Variants in PCDHGA1 observed in about 807,000 individuals in gnomAD.
PCDHGA1 encodes protocadherin gamma-A1.
A neutral mutation model predicts 58.0 loss-of-function variants in PCDHGA1; 32 were observed. The observed-to-expected ratio is 0.55, with a 90% CI of 0.42 to 0.74. The LOEUF (loss-of-function observed/expected upper bound fraction) is 0.74. Ranked by LOEUF, PCDHGA1 falls within the 30% of genes least tolerant of loss-of-function variation. PCDHGA1 has a pLI of 0.00. For missense variants in PCDHGA1, 1,205 were observed against 1,182.3 expected (o/e 1.02, Z -0.28); for synonymous variants, 498 against 501.1 (o/e 0.99, Z 0.08).
At chr5:141,372,237 G>A in intron 1 of PCDHGA1, 2 of 1,613,294 alleles carry the variant, frequency 1.2e-6, no homozygotes, top group Non-Finnish European at 1.7e-6. Flanking sequence ...CAGCGAGCCC[G>A]GGCTGTTCAG....
intron 1 of PCDHGA1, chr5:141,390,466 G>A: frequency 1.4e-6 from 1 of 712,034 alleles, no homozygotes; most frequent in East Asian, 2.7e-5. Context: ...AGGAGCAATT[G>A]TGTGGCCCAA....
intron 1 of PCDHGA1, chr5:141,417,501 A>T: frequency 4.4e-6 from 1 of 227,168 alleles, no homozygotes. Flanking sequence ...GAGGAAAAAG[A>T]TTAAAATATT....
chr5:141,359,759 A>G (rs1005713347), intron 1 of PCDHGA1, among the ~76,000 whole-genome samples: 1 of 152,234 alleles, frequency 6.6e-6, no homozygotes, highest in African/African-American at 2.4e-5. Flanking sequence ...CATCTAAAGC[A>G]GAGATGAAAG....
Position 141,374,537 on chromosome 5 carries a change from T to G in PCDHGA1, c.2421+41432T>G, listed in dbSNP as rs1430968090. Reference sequence around the variant, plus strand: ...CGAAAACGCAGCTCCATCCTCTCGTTTTCCACTAATGGAGGTCTATGACCC... The same window carrying G: ...CGAAAACGCAGCTCCATCCTCTCGTGTTCCACTAATGGAGGTCTATGACCC... On this transcript the variant is annotated intron_variant, in intron 1 of 3. Coordinates refer to ENST00000517417, the MANE Select transcript of PCDHGA1 (RefSeq NM_018912.3). 4 of 1,613,198 alleles carry G rather than the reference T, an allele frequency of 2.5e-6. No individual in the cohort carries two copies. In the Admixed American group the frequency reaches 5.0e-5, roughly 20 times the overall value.
At chr5:141,422,806 C>T (rs868426196) in intron 1 of PCDHGA1, 2 of 1,614,208 alleles carry the variant, frequency 1.2e-6, no homozygotes, top group Non-Finnish European at 1.7e-6. Flanking sequence ...TGAGCAGTTT[C>T]GAGACTTAGA....
rs536313993 is a variant in PCDHGA1, at chr5:141,436,142, T to G, written c.2422-58665T>G. Among the ~76,000 whole-genome samples, 46 of 152,334 alleles carry G rather than the reference T, an allele frequency of 3.0e-4. No homozygotes were observed. The South Asian group carries it at 3.1e-3, about 10-fold the overall frequency. ...CTCTCCTCCATCATCTTGTATGAAC[T>G]ACCAAAATGTTTATCATATGGACAG... On this transcript the variant is annotated intron_variant, in intron 1 of 3. Coordinates refer to ENST00000517417, the MANE Select transcript of PCDHGA1 (RefSeq NM_018912.3).
At chr5:141,361,514 AC>A in intron 1 of PCDHGA1, 1 of 1,614,028 alleles carries the variant, frequency 6.2e-7, no homozygotes, top group South Asian at 1.1e-5. Context: ...TACATGGTTC[AC>A]GTGGCAGAGA....
Position 141,355,384 on chromosome 5 carries a change from C to G in PCDHGA1, c.2421+22279C>G, listed in dbSNP as rs570057542. On this transcript the variant is annotated intron_variant, in intron 1 of 3. Transcript: ENST00000517417. ...GTTGGCGCCCCGGGAGCTGGCGGAG[C>G]GCGGAGTCCGCATCGTCTCCAGAGG... 25 of 1,614,008 alleles carry G rather than the reference C, an allele frequency of 1.5e-5. No individual in the cohort carries two copies. In the African/African-American group the frequency reaches 3.2e-4, roughly 21 times the overall value.
At chr5:141,355,726 G>A (rs771155381) in intron 1 of PCDHGA1, 1 of 1,613,978 alleles carries the variant, frequency 6.2e-7, no homozygotes, top group East Asian at 2.2e-5. Context: ...CAACTCAAAC[G>A]GTTACTTTTC....
chr5:141,393,430 C>T, intron 1 of PCDHGA1: 1 of 1,614,040 alleles, frequency 6.2e-7, no homozygotes, highest in Non-Finnish European at 8.5e-7. Context: ...GAGGAAGAGG[C>T]TGCTCACCAC....
intron 1 of PCDHGA1, chr5:141,389,893 T>C (rs764580902): frequency 2.9e-5 from 46 of 1,613,976 alleles, no homozygotes; most frequent in Non-Finnish European, 3.6e-5. Context: ...CAGGAGGTGC[T>C]GCCGGATATC....
rs1488305057 is a variant in PCDHGA1, at chr5:141,477,736, C to G, written c.2422-17071C>G. 6.2e-7 allele frequency: 1 copy of G among 1,613,790 alleles called. No homozygotes were observed. The highest frequency in any genetic ancestry group is 1.1e-5 in the South Asian group (1 of 91,088). On this transcript the variant is annotated intron_variant, in intron 1 of 3. Coordinates refer to ENST00000517417, the MANE Select transcript of PCDHGA1 (RefSeq NM_018912.3). This position sits in a 1 kb window ranked among gnomAD's most constrained non-coding sequence, Gnocchi z 4.9. ...AATTTGAATTAACAGCTCATATCAG[C>G]GATGGGGGCACCCCGGTCCTAGCCA...
rs1485764871 is a variant in PCDHGA1, at chr5:141,486,709, C to A, written c.2422-8098C>A. On this transcript the variant is annotated intron_variant, in intron 1 of 3. Coordinates refer to ENST00000517417, the MANE Select transcript of PCDHGA1 (RefSeq NM_018912.3). The surrounding 1 kb of genome is among the most constrained non-coding windows in gnomAD (Gnocchi z 5.0). ...CTTCCTCTTTCATCTCTCTGAACCC[C>A]CAGACAGGAGCTGTTCATGCTACTC... 6.2e-7 allele frequency: 1 copy of A among 1,614,182 alleles called. No homozygotes were observed. Among genetic ancestry groups the A allele is most frequent in the Admixed American group, 1.7e-5 (1 of 60,022 alleles).
chr5:141,361,173 A>G, intron 1 of PCDHGA1: 2 of 1,613,958 alleles, frequency 1.2e-6, no homozygotes. Context: ...GTGCACCTGA[A>G]GTTATTGTGA....
chr5:141,352,711 C>G, intron 1 of PCDHGA1: 1 of 1,542,158 alleles, frequency 6.5e-7, no homozygotes, highest in Non-Finnish European at 8.7e-7. Flanking sequence ...ATATGGCGGC[C>G]GGGCGCGGTG....
intron 1 of PCDHGA1, chr5:141,370,674 G>A: frequency 1.9e-6 from 3 of 1,613,890 alleles, no homozygotes; most frequent in South Asian, 1.1e-5. Flanking sequence ...AGACCGAGAG[G>A]AGATTTGTGG....
chr5:141,429,169 TACACACACACACACACACAC>T (rs10667977), intron 1 of PCDHGA1: 4 of 145,394 alleles, frequency 2.8e-5, no homozygotes, highest in Non-Finnish European at 6.0e-5. Flanking sequence ...ACATTGTTTA[TACACACACACACACACACAC>T]ACACACACAC....
intron 1 of PCDHGA1, among the ~76,000 whole-genome samples, chr5:141,448,196 A>G (rs753761675): frequency 1.3e-5 from 2 of 152,176 alleles, no homozygotes; most frequent in Non-Finnish European, 2.9e-5. Context: ...TACACTTACA[A>G]ACATTTTCTG....
chr5:141,360,763 T>C lies in PCDHGA1; in HGVS notation c.2421+27658T>C, dbSNP rs760803467. On this transcript the variant is annotated intron_variant, in intron 1 of 3. Transcript: ENST00000517417. ...CAGAGAAGAGCACAGTTTACATCAA[T>C]TGGTCCTCACAGCTGTGGATGGCGG... 5.6e-6 allele frequency: 9 copies of C among 1,613,954 alleles called. No individual in the cohort carries two copies. In the South Asian group the frequency reaches 6.6e-5, roughly 12 times the overall value.
Sources: gnomAD v4.1 joint callset for allele counts (sites outside exome capture counted in the v4.1 genomes callset) on GRCh38, gnomAD v4.1.1 for gene constraint, Gnocchi (gnomAD v3.1) non-coding constraint, MANE v1.5 for transcripts, NCBI Gene and HGNC (gene_info 2026-07-23, HGNC 2026-07-21) for gene names.